The following STK32C variants were observed in gnomAD, a reference collection of about 807,000 sequenced individuals.
STK32C encodes serine/threonine-protein kinase 32C.
A neutral mutation model predicts 56.5 loss-of-function variants in STK32C; 31 were observed. The observed-to-expected ratio is 0.55, with a 90% CI of 0.41 to 0.74. The LOEUF is 0.74. Ranked by LOEUF, STK32C falls within the 30% of genes least tolerant of loss-of-function variation. The pLI is 0.00. For missense variants in STK32C, 544 were observed against 676.9 expected (o/e 0.80, Z 2.18); for synonymous variants, 309 against 289.4 (o/e 1.07, Z -0.69).
chr10:132,313,673 C>T (rs919920090), intron 1 of STK32C, among the ~76,000 whole-genome samples: 21 of 152,076 alleles, frequency 1.4e-4, no homozygotes, highest in African/African-American at 3.9e-4. Flanking sequence ...AGCAGCCCTC[C>T]GGGCAGAACA....
At chr10:132,294,888 T>C (rs1167320839) in intron 1 of STK32C, among the ~76,000 whole-genome samples, 1 of 152,136 alleles carries the variant, frequency 6.6e-6, no homozygotes, top group African/African-American at 2.4e-5. Flanking sequence ...GTGGTGGCTT[T>C]GTTTCATCGT....
chr10:132,297,754 A>C (rs1170852758), intron 1 of STK32C, among the ~76,000 whole-genome samples: 1 of 152,186 alleles, frequency 6.6e-6, no homozygotes, highest in Non-Finnish European at 1.5e-5. Context: ...CAGAGCTCCG[A>C]GACTCCCCGG....
chr10:132,302,314 C>G (rs983045861), intron 1 of STK32C, among the ~76,000 whole-genome samples: 1 of 152,236 alleles, frequency 6.6e-6, no homozygotes, highest in Non-Finnish European at 1.5e-5. Flanking sequence ...GTAAAATGCA[C>G]AACCAGATGG....
chr10:132,331,352 C>G (rs984968606), intron 1 of STK32C: 2 of 1,411,402 alleles, frequency 1.4e-6, no homozygotes, highest in Non-Finnish European at 1.9e-6. Context: ...CAGGGTTCCA[C>G]AGGACCACGC....
intron 1 of STK32C, among the ~76,000 whole-genome samples, chr10:132,300,996 G>A (rs2065895802): frequency 6.6e-6 from 1 of 152,156 alleles, no homozygotes; most frequent in East Asian, 1.9e-4. Context: ...ATCTGGCTGG[G>A]AAGGGAAATG....
upstream of STK32C, among the ~76,000 whole-genome samples, chr10:132,308,494 G>A (rs1051807376): frequency 1.3e-5 from 2 of 152,094 alleles, no homozygotes; most frequent in Non-Finnish European, 2.9e-5. Context: ...CCGGGATGCG[G>A]GCGGCGGGAA....
At chr10:132,223,575 C>A (rs1364487045) in intron 8 of STK32C, among the ~76,000 whole-genome samples, 1 of 152,262 alleles carries the variant, frequency 6.6e-6, no homozygotes, top group Non-Finnish European at 1.5e-5. Flanking sequence ...ACCTTGTGAG[C>A]CACCTGGGCA....
chr10:132,301,605 T>C lies in STK32C; in HGVS notation c.262+5967A>G, dbSNP rs566792836. ...GAACCCGCCAGTGGACACACCAGAC[T>C]ACCCTGCCTCAGATCCGGGTCAGAA... On this transcript the variant is annotated intron_variant, in intron 1 of 11. Transcript: ENST00000298630. Among the ~76,000 whole-genome samples the C allele has an allele frequency of 1.6e-4, 24 of 152,324 alleles. No homozygotes were observed. In the South Asian group the frequency reaches 4.3e-3, roughly 28 times the overall value.
chr10:132,289,579 G>A (rs891660903), intron 1 of STK32C, among the ~76,000 whole-genome samples: 2 of 152,194 alleles, frequency 1.3e-5, no homozygotes, highest in Non-Finnish European at 2.9e-5. Flanking sequence ...TCAAACAACA[G>A]AGATTTATTT....
At chr10:132,275,749 G>A (rs918538988) in intron 1 of STK32C, among the ~76,000 whole-genome samples, 1 of 152,164 alleles carries the variant, frequency 6.6e-6, no homozygotes, top group Non-Finnish European at 1.5e-5. Context: ...CTGCCTTCCT[G>A]GGAAATCCCT....
intron 1 of STK32C, among the ~76,000 whole-genome samples, chr10:132,269,469 G>A (rs2064744625): frequency 6.6e-6 from 1 of 152,126 alleles, no homozygotes; most frequent in Non-Finnish European, 1.5e-5. Context: ...GCTGCAGGAG[G>A]ACCTGGGGAA....
chr10:132,289,340 T>C (rs1213166301), intron 1 of STK32C, among the ~76,000 whole-genome samples: 2 of 152,222 alleles, frequency 1.3e-5, no homozygotes, highest in East Asian at 1.9e-4. Flanking sequence ...AGACTACTCA[T>C]CAAAAGAGAC....
upstream of STK32C, among the ~76,000 whole-genome samples, chr10:132,310,005 G>A (rs979721335): frequency 2.6e-5 from 4 of 152,180 alleles, no homozygotes; most frequent in Admixed American, 1.3e-4. The surrounding 1 kb of genome is among the most constrained non-coding windows in gnomAD (Gnocchi z 4.6). Context: ...CCCAAAAGGC[G>A]GGAGAATGTG....
chr10:132,324,175 C>T (rs1028687332), exon 2 of STK32C: 7 of 770,490 alleles, frequency 9.1e-6, no homozygotes, highest in Non-Finnish European at 1.7e-5. Context: ...TCTGAGTCTC[C>T]CTGGGTACTG....
intron 2 of STK32C, among the ~76,000 whole-genome samples, chr10:132,231,588 GAC>G (rs2063102561): frequency 6.6e-6 from 1 of 152,344 alleles, no homozygotes; most frequent in African/African-American, 2.4e-5. Context: ...GTCCCCAAAA[GAC>G]ACAGCCACCA....
chr10:132,283,813 C>G (rs2065290049), intron 1 of STK32C, among the ~76,000 whole-genome samples: 1 of 152,208 alleles, frequency 6.6e-6, no homozygotes. Context: ...CCATGGCTGG[C>G]TGTGGCTCCA....
chr10:132,210,911 C>G (rs1465543396), intron 10 of STK32C, among the ~76,000 whole-genome samples: 1 of 152,230 alleles, frequency 6.6e-6, no homozygotes, highest in Non-Finnish European at 1.5e-5. Flanking sequence ...GACTGTCCCG[C>G]CCGCTCCTCC....
At chr10:132,209,686 G>A (rs2062228143) in intron 10 of STK32C, among the ~76,000 whole-genome samples, 1 of 152,290 alleles carries the variant, frequency 6.6e-6, no homozygotes, top group Non-Finnish European at 1.5e-5. Flanking sequence ...GGCGTGGGTG[G>A]GGTGGAGGGG....
At chr10:132,327,129 AG>A (rs2066515303) in intron 1 of STK32C, among the ~76,000 whole-genome samples, 1 of 152,136 alleles carries the variant, frequency 6.6e-6, no homozygotes, top group South Asian at 2.1e-4. Context: ...GTGCTGTGGG[AG>A]GGACCCGGTG....
Sources: gnomAD v4.1 joint callset for allele counts (sites outside exome capture counted in the v4.1 genomes callset) on GRCh38, gnomAD v4.1.1 for gene constraint, Gnocchi (gnomAD v3.1) non-coding constraint, MANE v1.5 for transcripts, NCBI Gene and HGNC (gene_info 2026-07-23, HGNC 2026-07-21) for gene names.